Variants in ADCY7 observed in about 807,000 individuals in gnomAD.
ADCY7 encodes the protein adenylate cyclase type 7.
A neutral mutation model predicts 120.6 loss-of-function variants in ADCY7; 72 were observed. The ratio of observed to expected loss-of-function variants is 0.60; its 90% CI spans 0.49 to 0.73. The LOEUF (loss-of-function observed/expected upper bound fraction) is 0.73. Among genes scored for constraint, ADCY7 ranks in the 30% least tolerant of loss-of-function variants. The probability of loss-of-function intolerance (pLI) is 0.00; values close to 1 mark genes in which losing one functional copy is unlikely to be tolerated. For synonymous variants in ADCY7, 661 were observed against 628.0 expected (o/e 1.05, Z -0.78); for missense variants, 1,227 against 1,486.0 (o/e 0.83, Z 2.87).
At chr16:50,312,268 C>T (rs879818479) in intron 21 of ADCY7, 77 bp downstream of exon 21, 1 of 1,533,926 alleles carries the variant, frequency 6.5e-7, no homozygotes, top group Non-Finnish European at 8.9e-7. Flanking sequence ...AGGTGTGGAG[C>T]TGGAGTGCAT....
At chr16:50,296,313 A>C (rs1394202162) in intron 7 of ADCY7, among the ~76,000 whole-genome samples, 7 of 151,528 alleles carry the variant, frequency 4.6e-5, no homozygotes. Flanking sequence ...TCAGCCTCCC[A>C]AAGTGCTAGG....
At chr16:50,287,680 G>GGA (rs1555519974) in intron 1 of ADCY7, among the ~76,000 whole-genome samples, 2 of 128,300 alleles carry the variant, frequency 1.6e-5, no homozygotes, top group African/African-American at 3.0e-5. Flanking sequence ...GCCCTGTCTT[G>GGA]AAAAAAAAAA....
At chr16:50,283,005 C>G (rs1419562636) in intron 1 of ADCY7, among the ~76,000 whole-genome samples, 5 of 152,126 alleles carry the variant, frequency 3.3e-5, no homozygotes, top group Non-Finnish European at 1.5e-5. Context: ...GAGGGATGAG[C>G]GGGGCTGTCC....
intron 14 of ADCY7, 152 bp from the exon 15 acceptor site, chr16:50,306,898 G>A (rs373242037): frequency 2.8e-5 from 17 of 616,642 alleles, no homozygotes; most frequent in African/African-American, 2.2e-4. Context: ...GGGCTCAAGT[G>A]AACCTCCTTC....
At chr16:50,245,692 G>A (rs183749634), upstream of ADCY7, among the ~76,000 whole-genome samples, 2 of 152,264 alleles carry the variant, frequency 1.3e-5, no homozygotes, top group Non-Finnish European at 2.9e-5. Flanking sequence ...CGGCTTGGGA[G>A]GAGGGCACTG....
chr16:50,262,011 C>G (rs1053863584), upstream of ADCY7, among the ~76,000 whole-genome samples: 5 of 152,186 alleles, frequency 3.3e-5, no homozygotes, highest in Admixed American at 3.3e-4. Flanking sequence ...TTCCTTCCCC[C>G]AGTAAGGGCT....
intron 13 of ADCY7, 24 bp downstream of exon 13, chr16:50,305,610 C>A (rs573003651): frequency 3.9e-5 from 62 of 1,571,686 alleles, no homozygotes; most frequent in Admixed American, 1.6e-4. Context: ...CCTCTGTCCA[C>A]CCCCCTCTCC....
rs200573413 is a variant in ADCY7 at position 50,312,214 on chromosome 16, C to T, written c.2604+23C>T. ...GAGGTGTGCTGAGAAGGGGCTGGGG[C>T]GGGGGCAGGGAGGCGGACGGTCCAG... On this transcript the variant is annotated intron_variant, in intron 21 of 25. Coordinates refer to ENST00000673801, the MANE Select transcript of ADCY7 (RefSeq NM_001114.5). 1.8e-3 allele frequency: 2,839 copies of T among 1,608,132 alleles called. 59 individuals carry two copies. In the African/African-American group the frequency reaches 0.034, roughly 19 times the overall value.
In ADCY7 at chr16:50,312,209, T is replaced by G. The variant is rs74017348; in HGVS notation, c.2604+18T>G. 3.9e-6 allele frequency: 4 copies of G among 1,020,774 alleles called. No individual in the cohort carries two copies. The highest frequency in any genetic ancestry group is 5.1e-6 in the Non-Finnish European group (4 of 783,778). The allele number at this position is 1,020,774 out of a possible 1,614,324, so 63.2% of individuals were successfully genotyped here. ...TAAACGAGGTGTGCTGAGAAGGGGC[T>G]GGGGCGGGGGCAGGGAGGCGGACGG... On this transcript the variant is annotated intron_variant, in intron 21 of 25. Coordinates refer to ENST00000673801, the MANE Select transcript of ADCY7 (RefSeq NM_001114.5).
At chr16:50,288,424 T>C in intron 2 of ADCY7, 74 bp downstream of exon 2, 2 of 1,361,968 alleles carry the variant, frequency 1.5e-6, no homozygotes, top group Non-Finnish European at 2.0e-6. Flanking sequence ...TCTTAGCCTC[T>C]TCTGTAAAAT....
At position 50,310,798 on chromosome 16, in the gene ADCY7, C is replaced by A; in HGVS notation, c.2272C>A (p.Leu758Ile). 1 of 1,614,146 alleles carries A rather than the reference C, an allele frequency of 6.2e-7. No homozygotes were observed. Among genetic ancestry groups the A allele is most frequent in the Non-Finnish European group, 8.5e-7 (1 of 1,180,006 alleles). ...AGTGGCCCTGGTGGCCTACCTGGTG[C>A]TCTTCAACCTCTCCCCATGCTGGCA... ...LTVALVAYLV[L>I]FNLSPCWQWD... Residue 758 changes from leucine (L) to isoleucine (I), a missense_variant, in exon 19 of 26, where the codon CTC (leucine) becomes ATC (isoleucine). By Grantham distance (5) the Leu-to-Ile change is conservative. Around this residue, in one of 5 missense-constraint regions of ADCY7, gnomAD observed 267 missense variants for 270.0 expected, o/e 0.99. Coordinates refer to ENST00000673801, the MANE Select transcript of ADCY7 (RefSeq NM_001114.5).
chr16:50,286,292 C>A (rs1048877291), intron 1 of ADCY7, among the ~76,000 whole-genome samples: 3 of 149,468 alleles, frequency 2.0e-5, no homozygotes, highest in Non-Finnish European at 4.5e-5. Context: ...CCCACCTTAG[C>A]CTCCTGCATA....
intron 1 of ADCY7, chr16:50,246,348 G>C (rs2032585979): frequency 6.6e-6 from 1 of 152,042 alleles, no homozygotes; most frequent in African/African-American, 2.4e-5. Flanking sequence ...CCCCGGCCTC[G>C]CGGGTGCCCG....
chr16:50,247,231 G>A (rs1385173368), intron 1 of ADCY7, among the ~76,000 whole-genome samples: 2 of 152,214 alleles, frequency 1.3e-5, no homozygotes, highest in Admixed American at 6.5e-5. Flanking sequence ...TTTGTGGGCT[G>A]TGGAGCTGGG....
intron 7 of ADCY7, among the ~76,000 whole-genome samples, chr16:50,298,282 G>C (rs1425121657): frequency 6.6e-6 from 1 of 152,096 alleles, no homozygotes; most frequent in Non-Finnish European, 1.5e-5. Flanking sequence ...CTCTTCCCCA[G>C]CTTTGTGGCC....
chr16:50,308,956 T>G, intron 17 of ADCY7, 164 bp downstream of exon 17: 1 of 873,822 alleles, frequency 1.1e-6, no homozygotes, highest in South Asian at 2.5e-5. Flanking sequence ...TCCTCACCTT[T>G]GGGTTCTCAA....
chr16:50,284,541 C>T (rs1004631149), intron 1 of ADCY7, among the ~76,000 whole-genome samples: 1 of 152,224 alleles, frequency 6.6e-6, no homozygotes, highest in Non-Finnish European at 1.5e-5. Context: ...GGGGCTTTGC[C>T]TGGGAGATGG....
At chr16:50,260,855 G>A (rs1055937507) in intron 1 of ADCY7, among the ~76,000 whole-genome samples, 2 of 152,224 alleles carry the variant, frequency 1.3e-5, no homozygotes, top group African/African-American at 4.8e-5. Context: ...AAGGAAAGCT[G>A]AGTGGAAGCT....
In ADCY7 at chr16:50,304,962, G is replaced by A; in HGVS notation, c.1595+3G>A. On this transcript the variant is annotated splice_donor_region_variant and intron_variant, in intron 12 of 25. Transcript: ENST00000673801. ...CGCCACCGCCGGACCCCAGACAGGT[G>A]CGTGCCCTGCCCTCCTGGCCAAGTC... The A allele has an allele frequency of 3.7e-6, 6 of 1,613,324 alleles. No individual in the cohort carries two copies. Among genetic ancestry groups the A allele is most frequent in the Non-Finnish European group, 5.1e-6 (6 of 1,179,992 alleles).
Sources: gnomAD v4.1 joint callset for allele counts (sites outside exome capture counted in the v4.1 genomes callset) on GRCh38, gnomAD v4.1.1 for gene constraint, gnomAD v4.1.1 regional missense constraint, MANE v1.5 for transcripts, NCBI Gene and HGNC (gene_info 2026-07-23, HGNC 2026-07-21) for gene names.